KAZN: variants seen among roughly 807,000 people sequenced by gnomAD.
KAZN encodes kazrin, periplakin interacting protein.
A neutral mutation model predicts 87.4 loss-of-function variants in KAZN; 40 were observed. The ratio of observed to expected loss-of-function variants is 0.46; its 90% CI spans 0.36 to 0.60. The LOEUF is 0.60. Ranked by LOEUF, KAZN falls within the 20% of genes least tolerant of loss-of-function variation. KAZN has a pLI of 0.00. For synonymous variants in KAZN, 466 were observed against 458.3 expected (o/e 1.02, Z -0.22); for missense variants, 898 against 1,073.9 (o/e 0.84, Z 2.29).
intron 1 of KAZN, among the ~76,000 whole-genome samples, chr1:14,681,623 A>ATATATATATATGTG (rs1640598294): frequency 1.1e-4 from 1 of 9,164 alleles, no homozygotes. Flanking sequence ...GTATATATAT[A>ATATATATATATGTG]TATATATATA....
chr1:14,422,461 A>C (rs945961782), intron 2 of KAZN, among the ~76,000 whole-genome samples: 2 of 152,232 alleles, frequency 1.3e-5, no homozygotes, highest in African/African-American at 4.8e-5. Flanking sequence ...TCCAGGGTCA[A>C]CCTGCACCAC....
chr1:14,518,178 C>CTTTTTTTTTT (rs141321203), intron 2 of KAZN, among the ~76,000 whole-genome samples: 1 of 91,312 alleles, frequency 1.1e-5, no homozygotes, highest in Non-Finnish European at 2.1e-5. Context: ...TTTTTGAAGG[C>CTTTTTTTTTT]TTTTTTTTTT....
intron 1 of KAZN, among the ~76,000 whole-genome samples, chr1:14,673,765 G>T (rs114660216): frequency 6.6e-6 from 1 of 152,122 alleles, no homozygotes; most frequent in African/African-American, 2.4e-5. Flanking sequence ...TCTTGGCGCC[G>T]GTCAACCCCT....
chr1:14,790,094 C>A (rs1028302631), intron 1 of KAZN, among the ~76,000 whole-genome samples: 1 of 152,072 alleles, frequency 6.6e-6, no homozygotes, highest in South Asian at 2.1e-4. Context: ...CCTCCGCCTC[C>A]CAGGTTCAAG....
chr1:14,637,733 G>T (rs574813336), intron 1 of KAZN, among the ~76,000 whole-genome samples: 1 of 151,668 alleles, frequency 6.6e-6, no homozygotes, highest in Non-Finnish European at 1.5e-5. Context: ...TGCTCTTGTG[G>T]GGACCTAAAA....
intron 1 of KAZN, among the ~76,000 whole-genome samples, chr1:14,032,082 G>T (rs906363345): frequency 3.9e-5 from 6 of 152,078 alleles, no homozygotes; most frequent in African/African-American, 1.4e-4. Context: ...TACTTCTGCT[G>T]GGGTCTCCCC....
At chr1:14,888,161 T>C (rs1370594313) in intron 1 of KAZN, among the ~76,000 whole-genome samples, 1 of 152,190 alleles carries the variant, frequency 6.6e-6, no homozygotes, top group East Asian at 1.9e-4. Flanking sequence ...TATTGTGAAG[T>C]CCACAGTGAG....
chr1:14,603,126 G>A (rs1677107057), intron 1 of KAZN, among the ~76,000 whole-genome samples: 1 of 152,234 alleles, frequency 6.6e-6, no homozygotes, highest in South Asian at 2.1e-4. Context: ...AGTAGTCTGT[G>A]GAGACGCTAG....
At chr1:14,204,197 T>G (rs1256019488) in intron 2 of KAZN, among the ~76,000 whole-genome samples, 2 of 152,244 alleles carry the variant, frequency 1.3e-5, no homozygotes, top group African/African-American at 2.4e-5. Flanking sequence ...TGAGGTTTCT[T>G]TTCCATTTCA....
At chr1:13,950,867 C>T (rs1404404808) in intron 1 of KAZN, among the ~76,000 whole-genome samples, 2 of 152,092 alleles carry the variant, frequency 1.3e-5, no homozygotes, top group East Asian at 1.9e-4. Context: ...GGGGCAAGGT[C>T]GTCTATCCAG....
At chr1:14,850,205 A>G (rs2100975505) in intron 1 of KAZN, among the ~76,000 whole-genome samples, 1 of 152,254 alleles carries the variant, frequency 6.6e-6, no homozygotes, top group South Asian at 2.1e-4. Context: ...AAGTGCTGGG[A>G]TTATAGGCAT....
At chr1:14,613,117 G>T (rs1022921782) in intron 1 of KAZN, among the ~76,000 whole-genome samples, 2 of 152,094 alleles carry the variant, frequency 1.3e-5, no homozygotes, top group Non-Finnish European at 1.5e-5. Context: ...TTGAGTGTGC[G>T]TCCTAGCCTT....
rs557568367 is a variant in KAZN, at chr1:14,068,830, G to A, written c.92-111605G>A. Among the ~76,000 whole-genome samples the A allele has an allele frequency of 5.0e-5, 7 of 140,060 alleles. No homozygotes were observed. In the South Asian group the frequency reaches 1.6e-3, roughly 31 times the overall value. 91.9% of individuals were successfully genotyped at this position (140,060 alleles called of 152,430 possible). A position where few individuals can be genotyped will look rare whatever the true frequency, so the allele number is the denominator to read the frequency against. Reference sequence around the variant, plus strand: ...TTTTTTTTTTTTGAGACGGAGTCTTGTCTGTCACCCAGGCCTGGAGTGCAG... The same window carrying A: ...TTTTTTTTTTTTGAGACGGAGTCTTATCTGTCACCCAGGCCTGGAGTGCAG... On this transcript the variant is annotated intron_variant, in intron 1 of 16. Coordinates refer to the KAZN transcript ENST00000636203.
chr1:14,152,052 G>A (rs566022654), intron 1 of KAZN, among the ~76,000 whole-genome samples: 13 of 152,096 alleles, frequency 8.5e-5, no homozygotes, highest in African/African-American at 1.4e-4. Flanking sequence ...TTGTGGGTAC[G>A]TAGGAGGTGG....
chr1:13,920,216 C>T (rs1298325314), intron 1 of KAZN, among the ~76,000 whole-genome samples: 2 of 142,716 alleles, frequency 1.4e-5, no homozygotes, highest in Non-Finnish European at 3.0e-5. Flanking sequence ...TGCCACTGCA[C>T]TCCAGTGACA....
At chr1:14,221,030 G>A (rs900629841) in intron 2 of KAZN, among the ~76,000 whole-genome samples, 1 of 152,142 alleles carries the variant, frequency 6.6e-6, no homozygotes, top group African/African-American at 2.4e-5. Flanking sequence ...GGCTAATCAG[G>A]TAGGTTGTGT....
chr1:14,712,795 C>T (rs1028653100), intron 1 of KAZN, among the ~76,000 whole-genome samples: 1 of 152,174 alleles, frequency 6.6e-6, no homozygotes, highest in African/African-American at 2.4e-5. Context: ...CTAGTGCAAG[C>T]CATAGGTAAA....
At chr1:14,886,841 T>C (rs1275258341) in intron 1 of KAZN, among the ~76,000 whole-genome samples, 4 of 152,214 alleles carry the variant, frequency 2.6e-5, no homozygotes, top group Non-Finnish European at 5.9e-5. Flanking sequence ...TACCTGTATA[T>C]GTACACTTAC....
At chr1:14,962,580 C>T (rs1664009066) in intron 2 of KAZN, among the ~76,000 whole-genome samples, 1 of 152,212 alleles carries the variant, frequency 6.6e-6, no homozygotes. Flanking sequence ...TCTCGGGAAT[C>T]TCCCACAAGC....
Sources: gnomAD v4.1 joint callset for allele counts (sites outside exome capture counted in the v4.1 genomes callset) on GRCh38, gnomAD v4.1.1 for gene constraint, MANE v1.5 for transcripts, NCBI Gene and HGNC (gene_info 2026-07-23, HGNC 2026-07-21) for gene names.